The following GPHN variants were observed in gnomAD, a reference collection of about 807,000 sequenced individuals.
GPHN encodes gephyrin.
GPHN carries 17 observed loss-of-function variants against 95.5 expected under a neutral mutation model. The observed-to-expected ratio is 0.18, with a 90% confidence interval of 0.12 to 0.27. GPHN has a LOEUF of 0.27. Ranked by LOEUF, GPHN falls within the 10% of genes least tolerant of loss-of-function variation. The probability of loss-of-function intolerance (pLI) is 1.00; values close to 1 mark genes in which losing one functional copy is unlikely to be tolerated. For synonymous variants in GPHN, 320 were observed against 322.5 expected (o/e 0.99, Z 0.08); for missense variants, 660 against 978.1 (o/e 0.67, Z 4.34).
chr14:67,341,795 T>A, the GPHN span, among the ~76,000 whole-genome samples: 1 of 152,234 alleles, frequency 6.6e-6, no homozygotes, highest in African/African-American at 2.4e-5. Context: ...TGTGTCTGTG[T>A]AGAAAGAAGT....
chr14:67,685,124 T>C, the GPHN span: 3 of 1,614,036 alleles, frequency 1.9e-6, no homozygotes, highest in South Asian at 1.1e-5. Context: ...AGCCACCACA[T>C]CCATCTCATG....
chr14:66,983,403 A>G (rs1165125436), intron 9 of GPHN, among the ~76,000 whole-genome samples: 1 of 152,206 alleles, frequency 6.6e-6, no homozygotes, highest in Non-Finnish European at 1.5e-5. Context: ...TATTTCTCAA[A>G]TTCTAGTTTA....
At chr14:67,067,414 C>T (rs1251604786) in intron 11 of GPHN, among the ~76,000 whole-genome samples, 1 of 152,214 alleles carries the variant, frequency 6.6e-6, no homozygotes, top group Non-Finnish European at 1.5e-5. Flanking sequence ...GGGTCAGGGA[C>T]TCACTTGATG....
chr14:67,179,166 C>T (rs1011754895), intron 21 of GPHN, among the ~76,000 whole-genome samples: 2 of 152,102 alleles, frequency 1.3e-5, no homozygotes, highest in Non-Finnish European at 2.9e-5. Flanking sequence ...GGCAGGATCG[C>T]TTGAGCCCAG....
chr14:67,089,551 T>A (rs1177839436), intron 12 of GPHN, among the ~76,000 whole-genome samples: 1 of 152,104 alleles, frequency 6.6e-6, no homozygotes, highest in Non-Finnish European at 1.5e-5. Flanking sequence ...TTCTTTCCGT[T>A]CCTACACATG....
the GPHN span, among the ~76,000 whole-genome samples, chr14:67,709,411 T>C: frequency 1.9e-4 from 29 of 152,352 alleles, no homozygotes; most frequent in Middle Eastern, 3.4e-3. Flanking sequence ...CCATAAGATA[T>C]AACTTTCATA....
At chr14:67,533,539 AGCG>A in the GPHN span, 2 of 151,202 alleles carry the variant, frequency 1.3e-5, no homozygotes, top group African/African-American at 4.9e-5. Flanking sequence ...GCGAGCTCCC[AGCG>A]GCGGGGAGCG....
chr14:67,629,741 T>A, the GPHN span, among the ~76,000 whole-genome samples: 2 of 152,308 alleles, frequency 1.3e-5, no homozygotes, highest in East Asian at 3.9e-4. Flanking sequence ...CATAAAAACT[T>A]TATAGTTTCA....
At chr14:67,224,932 C>A in the GPHN span, 2 of 503,512 alleles carry the variant, frequency 4.0e-6, no homozygotes, top group Non-Finnish European at 6.8e-6. Flanking sequence ...ACAATAAGCT[C>A]CATTGCAAAG....
chr14:67,055,233 A>T (rs1343804928), intron 10 of GPHN, among the ~76,000 whole-genome samples: 5 of 148,624 alleles, frequency 3.4e-5, no homozygotes, highest in Non-Finnish European at 6.1e-5. Context: ...AGAAAAAAAT[A>T]ACCCCATTTA....
chr14:66,988,368 C>T (rs1280368089), intron 9 of GPHN, among the ~76,000 whole-genome samples: 2 of 151,884 alleles, frequency 1.3e-5, no homozygotes, highest in Non-Finnish European at 2.9e-5. Context: ...TCTTCTACCC[C>T]TTGTTAGTTA....
the GPHN span, among the ~76,000 whole-genome samples, chr14:67,398,706 G>A: frequency 6.6e-6 from 1 of 152,102 alleles, no homozygotes; most frequent in Non-Finnish European, 1.5e-5. Flanking sequence ...ACAAGCGTGT[G>A]CCACCACACC....
intron 17 of GPHN, among the ~76,000 whole-genome samples, chr14:67,126,831 G>C (rs1030392672): frequency 5.9e-5 from 9 of 151,466 alleles, no homozygotes; most frequent in Admixed American, 2.6e-4. Flanking sequence ...CAATAGCAAA[G>C]ACTTGGAACC....
intron 3 of GPHN, among the ~76,000 whole-genome samples, chr14:66,804,472 A>C (rs958300583): frequency 6.6e-6 from 1 of 152,248 alleles, no homozygotes; most frequent in Non-Finnish European, 1.5e-5. Flanking sequence ...CTAGCTTTGC[A>C]TGCTTCTGTA....
the GPHN span, chr14:67,473,265 G>A: frequency 2.9e-6 from 3 of 1,020,246 alleles, no homozygotes; most frequent in South Asian, 4.9e-5. This position sits in a 1 kb window ranked among gnomAD's most constrained non-coding sequence, Gnocchi z 6.5. Flanking sequence ...CCCCAACACC[G>A]GCCCCCGCGG....
intron 1 of GPHN, among the ~76,000 whole-genome samples, chr14:66,545,054 C>T (rs767395188): frequency 1.3e-5 from 2 of 152,172 alleles, no homozygotes; most frequent in African/African-American, 2.4e-5. Flanking sequence ...TCCACAAAAC[C>T]GCCATTGTCA....
the GPHN span, chr14:67,204,456 A>C: frequency 7.3e-7 from 1 of 1,361,282 alleles, no homozygotes; most frequent in Non-Finnish European, 9.6e-7. Context: ...CAAACAAACA[A>C]ATATATATAT....
intron 11 of GPHN, among the ~76,000 whole-genome samples, chr14:67,083,985 T>G (rs1409716559): frequency 6.6e-6 from 1 of 152,206 alleles, no homozygotes; most frequent in Non-Finnish European, 1.5e-5. Context: ...GACTCAGTCA[T>G]TCAAACAGTG....
At chr14:67,578,027 G>A in the GPHN span, 1 of 1,613,188 alleles carries the variant, frequency 6.2e-7, no homozygotes, top group Non-Finnish European at 8.5e-7. This position sits in a 1 kb window ranked among gnomAD's most constrained non-coding sequence, Gnocchi z 5.0. Flanking sequence ...TCCCAGTCCT[G>A]CCAGCTCTTC....
Sources: allele counts gnomAD v4.1 joint callset (sites outside exome capture counted in the v4.1 genomes callset), GRCh38; gene constraint gnomAD v4.1.1; non-coding constraint Gnocchi (gnomAD v3.1); transcripts MANE v1.5; gene names NCBI Gene and HGNC (gene_info 2026-07-23, HGNC 2026-07-21).